The following ADAMTS6 variants were observed in gnomAD, a reference collection of about 807,000 sequenced individuals.
ADAMTS6 encodes the protein A disintegrin and metalloproteinase with thrombospondin motifs 6.
In ADAMTS6, 23 loss-of-function variants were observed where a neutral mutation model predicts 144.3. The observed-to-expected ratio is 0.16, with a 90% CI of 0.11 to 0.23. ADAMTS6 has a LOEUF of 0.23. Ranked by LOEUF, ADAMTS6 falls within the 10% of genes least tolerant of loss-of-function variation. ADAMTS6 has a pLI of 1.00. For synonymous variants in ADAMTS6, 444 were observed against 457.5 expected, an observed-to-expected ratio of 0.97 and a Z score of 0.38; for missense variants, 999 against 1,379.6, an observed-to-expected ratio of 0.72 and a Z score of 4.37.
intron 22 of ADAMTS6, among the ~76,000 whole-genome samples, chr5:65,179,622 A>G (rs1754210770): frequency 6.6e-6 from 1 of 152,128 alleles, no homozygotes; most frequent in African/African-American, 2.4e-5. Context: ...ATGAATGCGG[A>G]TACTGGTCTT....
At chr5:65,308,596 A>C (rs561353044) in intron 9 of ADAMTS6, among the ~76,000 whole-genome samples, 30 of 152,168 alleles carry the variant, frequency 2.0e-4, no homozygotes, top group Non-Finnish European at 4.4e-4. Flanking sequence ...GCCTTATCTC[A>C]TCACCTGTCC....
intron 7 of ADAMTS6, among the ~76,000 whole-genome samples, chr5:65,422,325 T>C (rs1756119124): frequency 6.6e-6 from 1 of 152,182 alleles, no homozygotes; most frequent in South Asian, 2.1e-4. Flanking sequence ...GAGGTTGGTG[T>C]GGGTGTGATG....
At chr5:65,343,977 C>T (rs16893706) in intron 7 of ADAMTS6, among the ~76,000 whole-genome samples, 7,180 of 152,020 alleles carry the variant, frequency 0.047, 218 homozygotes, top group East Asian at 0.11. Flanking sequence ...AATCGTCATG[C>T]TTTTGCTGAT....
intron 3 of ADAMTS6, among the ~76,000 whole-genome samples, chr5:65,466,913 G>T (rs1312311246): frequency 6.6e-6 from 1 of 151,942 alleles, no homozygotes; most frequent in Non-Finnish European, 1.5e-5. Context: ...GTAGTGGCGG[G>T]AGCCTGTAGT....
chr5:65,342,619 G>C (rs1299221073), intron 7 of ADAMTS6, among the ~76,000 whole-genome samples: 1 of 151,998 alleles, frequency 6.6e-6, no homozygotes, highest in Non-Finnish European at 1.5e-5. Context: ...GAGAAAAGAA[G>C]CTTTTCCTCT....
At chr5:65,175,715 A>G (rs1753935466) in intron 22 of ADAMTS6, among the ~76,000 whole-genome samples, 1 of 152,176 alleles carries the variant, frequency 6.6e-6, no homozygotes, top group Non-Finnish European at 1.5e-5. Flanking sequence ...GAAAAAAAAA[A>G]AAGGATGATT....
chr5:65,266,373 C>T (rs1454461106), intron 12 of ADAMTS6, among the ~76,000 whole-genome samples: 4 of 151,802 alleles, frequency 2.6e-5, no homozygotes, highest in Non-Finnish European at 5.9e-5. Flanking sequence ...TATATCTATT[C>T]CATGGAGCTA....
At chr5:65,306,231 G>A (rs1743930259) in intron 9 of ADAMTS6, among the ~76,000 whole-genome samples, 2 of 152,188 alleles carry the variant, frequency 1.3e-5, no homozygotes, top group Admixed American at 1.3e-4. Flanking sequence ...TCATGCAGCA[G>A]TAATGAGTAA....
chr5:65,183,118 T>C (rs1754463216), intron 22 of ADAMTS6, among the ~76,000 whole-genome samples: 1 of 152,244 alleles, frequency 6.6e-6, no homozygotes, highest in Admixed American at 6.5e-5. Context: ...TTCATTTAAG[T>C]AGAACTCTAG....
At chr5:65,377,825 G>A (rs1751696498) in intron 7 of ADAMTS6, among the ~76,000 whole-genome samples, 1 of 152,138 alleles carries the variant, frequency 6.6e-6, no homozygotes, top group African/African-American at 2.4e-5. Context: ...AATTTCTGGA[G>A]GGTAGAAGTT....
intron 11 of ADAMTS6, among the ~76,000 whole-genome samples, chr5:65,276,397 G>C (rs921699627): frequency 1.3e-5 from 2 of 152,172 alleles, no homozygotes; most frequent in Admixed American, 6.5e-5. Context: ...AGAAGGCTCT[G>C]AAGAGTTTTC....
chr5:65,198,217 A>T (rs1053322205), intron 20 of ADAMTS6, among the ~76,000 whole-genome samples: 2 of 152,180 alleles, frequency 1.3e-5, no homozygotes, highest in African/African-American at 4.8e-5. Flanking sequence ...ATCTCTATAA[A>T]CAGGTAGGCT....
At chr5:65,237,649 A>C (rs571090366) in intron 15 of ADAMTS6, among the ~76,000 whole-genome samples, 41 of 152,300 alleles carry the variant, frequency 2.7e-4, no homozygotes, top group Non-Finnish European at 4.9e-4. Context: ...CATCATAAGA[A>C]GAATATTTAC....
intron 7 of ADAMTS6, among the ~76,000 whole-genome samples, chr5:65,392,696 T>C (rs570319781): frequency 6.6e-6 from 1 of 152,220 alleles, no homozygotes; most frequent in Non-Finnish European, 1.5e-5. Context: ...CAAAGTTAAA[T>C]TATCTTTAAA....
At chr5:65,437,815 A>AT (rs1199668143) in intron 7 of ADAMTS6, among the ~76,000 whole-genome samples, 1 of 152,048 alleles carries the variant, frequency 6.6e-6, no homozygotes, top group Non-Finnish European at 1.5e-5. Flanking sequence ...TTGTATTGTT[A>AT]TTTTTTATTG....
chr5:65,238,810 A>C (rs1758906935), intron 15 of ADAMTS6, among the ~76,000 whole-genome samples: 1 of 152,190 alleles, frequency 6.6e-6, no homozygotes, highest in South Asian at 2.1e-4. Context: ...ATTGAGGGAT[A>C]TACCATGTTC....
intron 14 of ADAMTS6, among the ~76,000 whole-genome samples, chr5:65,255,964 T>C (rs2032872): frequency 0.6 from 90,462 of 152,008 alleles, 28,334 homozygotes; most frequent in African/African-American, 0.81. Context: ...GACTCCTGGG[T>C]TCAAGTGATA....
chr5:65,472,110 A>G (rs1760488031), intron 2 of ADAMTS6, among the ~76,000 whole-genome samples: 1 of 152,238 alleles, frequency 6.6e-6, no homozygotes, highest in South Asian at 2.1e-4. Context: ...ACATGAATGA[A>G]CCTTCAGAAC....
chr5:65,322,799 T>C (rs1745752936), intron 9 of ADAMTS6, among the ~76,000 whole-genome samples: 1 of 152,172 alleles, frequency 6.6e-6, no homozygotes, highest in Non-Finnish European at 1.5e-5. Flanking sequence ...TGGGGTTTTC[T>C]AGATATAGGA....
Sources: gnomAD v4.1 joint callset for allele counts (sites outside exome capture counted in the v4.1 genomes callset) on GRCh38, gnomAD v4.1.1 for gene constraint, MANE v1.5 for transcripts, NCBI Gene and HGNC (gene_info 2026-07-23, HGNC 2026-07-21) for gene names.